Variants in SLC25A47 observed in about 807,000 individuals in gnomAD.
SLC25A47 encodes HCC-down-regulated mitochondrial carrier protein.
In SLC25A47, 30 loss-of-function variants were observed where a neutral mutation model predicts 29.8. The observed-to-expected ratio is 1.01, with a 90% CI of 0.75 to 1.36. The LOEUF is 1.36. SLC25A47 is among the 40% of genes most tolerant of loss of function. The probability of loss-of-function intolerance (pLI) is 0.00; values close to 1 mark genes in which losing one functional copy is unlikely to be tolerated. For missense variants in SLC25A47, 430 were observed against 441.9 expected (o/e 0.97, Z 0.24); for synonymous variants, 204 against 197.8 (o/e 1.03, Z -0.26).
rs1595389536 is a variant in SLC25A47, at chr14:100,327,356, T to C, written c.313T>C (p.Ser105Pro). Residue 105 changes from serine (S) to proline (P), a missense_variant, in exon 4 of 6, where the codon TCC (serine) becomes CCC (proline). Coordinates refer to ENST00000361529, the MANE Select transcript of SLC25A47 (RefSeq NM_207117.4). ...CGACATCACGCTCTCGGGATGCGCC[T>C]CCGGCCTCGTCCGCGTGAGTAGGGG... ...KADITLSGCA[S>P]GLVRVFLTSP... 6.3e-7 allele frequency: 1 copy of C among 1,595,468 alleles called. No individual in the cohort carries two copies. The highest frequency in any genetic ancestry group is 8.5e-7 in the Non-Finnish European group (1 of 1,177,100).
intron 2 of SLC25A47, 93 bp from the exon 3 acceptor site, chr14:100,326,064 C>T: frequency 6.8e-6 from 8 of 1,172,700 alleles, no homozygotes; most frequent in Non-Finnish European, 9.9e-6. Flanking sequence ...ATGGCTGGGA[C>T]AATCAAGAGT....
chr14:100,328,890 C>A lies in SLC25A47; in HGVS notation c.492C>A (p.His164Gln). The A allele has an allele frequency of 6.2e-7, 1 of 1,611,648 alleles. No homozygotes were observed. The highest frequency in any genetic ancestry group is 1.3e-5 in the African/African-American group (1 of 75,066). The change falls in exon 5 of 6, where the codon CAC becomes CAA. Residue 164 changes from histidine to glutamine, a missense_variant. Transcript: ENST00000361529. ...CPEPKYRGPL[H>Q]CLATVAREEG... Reference sequence around the variant, plus strand: ...AGCCCAAGTACCGCGGGCCACTGCACTGCCTGGCCACGGTAGCCCGTGAGG... The same window carrying A: ...AGCCCAAGTACCGCGGGCCACTGCAATGCCTGGCCACGGTAGCCCGTGAGG...
intron 1 of SLC25A47, among the ~76,000 whole-genome samples, chr14:100,324,306 C>T (rs1445557046): frequency 6.6e-6 from 1 of 152,108 alleles, no homozygotes; most frequent in Admixed American, 6.5e-5. Flanking sequence ...CTCACTGCAA[C>T]CTCTGCCTCC....
chr14:100,327,394 G>C (rs752582581), intron 4 of SLC25A47, 24 bp downstream of exon 4: 1 of 1,574,518 alleles, frequency 6.4e-7, no homozygotes, highest in South Asian at 1.2e-5. Context: ...GCCAGGGTGG[G>C]GAAGGCCCAA....
chr14:100,323,406 A>G lies in SLC25A47; in HGVS notation c.-9A>G, dbSNP rs151260391. 1,588 of 1,613,752 alleles carry G rather than the reference A, an allele frequency of 9.8e-4. 18 individuals are homozygous for G. The African/African-American group carries it at 0.018, about 19-fold the overall frequency. ...GGCAGACCCAGGGCCTCCCCGCCAC[A>G]CCTTGTTCATGGATTTTGTCGCTGG... On this transcript the variant is annotated 5_prime_UTR_variant, in exon 1 of 6. Coordinates refer to ENST00000361529, the MANE Select transcript of SLC25A47 (RefSeq NM_207117.4).
In SLC25A47 at chr14:100,329,522, G is replaced by A; in HGVS notation, c.804G>A (p.Glu268=). ...ACTGTATGGTGACCAGCGTTCGAGA[G>A]GAGGGACCCCGGGTCCTTTTCAAGG... ...LLHCMVTSVR[E]EGPRVLFKGL... Residue 268 remains glutamate, a synonymous_variant, in exon 6 of 6, where the codon GAG becomes GAA. Coordinates refer to ENST00000361529, the MANE Select transcript of SLC25A47 (RefSeq NM_207117.4). 3.7e-6 allele frequency: 6 copies of A among 1,613,562 alleles called. No individual in the cohort carries two copies. Among genetic ancestry groups the A allele is most frequent in the South Asian group, 1.1e-5 (1 of 91,088 alleles).
rs1893412179 is a variant in SLC25A47, at chr14:100,329,586, A to G, written c.868A>G (p.Met290Val). ...LNCCRAFPVN[M>V]VVFVAYEAVL... ...TTGCTGCCGCGCCTTCCCTGTCAAC[A>G]TGGTGGTCTTCGTCGCCTATGAGGC... Residue 290 changes from methionine (M) to valine (V), a missense_variant, in exon 6 of 6, where the codon ATG (methionine) becomes GTG (valine). Physicochemically the swap from Met to Val is conservative, Grantham distance 21. Transcript: ENST00000361529. 3.1e-6 allele frequency: 5 copies of G among 1,613,672 alleles called. No homozygotes were observed. The highest frequency in any genetic ancestry group is 2.2e-5 in the East Asian group (1 of 44,880).
chr14:100,327,788 C>T (rs1274516196), intron 4 of SLC25A47, among the ~76,000 whole-genome samples: 2 of 152,224 alleles, frequency 1.3e-5, no homozygotes, highest in South Asian at 2.1e-4. Context: ...GGAGCACCTG[C>T]GGTGCCCGCC....
intron 1 of SLC25A47, 23 bp from the exon 2 acceptor site, chr14:100,325,765 G>T (rs764768042): frequency 1.2e-6 from 2 of 1,611,482 alleles, no homozygotes; most frequent in Admixed American, 3.3e-5. Flanking sequence ...TCTCCTCACC[G>T]TGGGCCTCTT....
At chr14:100,327,078 G>A (rs1595389256) in intron 3 of SLC25A47, 110 bp from the exon 4 acceptor site, 1 of 1,078,502 alleles carries the variant, frequency 9.3e-7, no homozygotes, top group East Asian at 2.5e-5. Context: ...GGCCGTGAAT[G>A]ACCTTCCCGA....
Position 100,328,945 on chromosome 14 carries a change from TCGGCCCTGGTCTTA to T in SLC25A47, c.551_564del (p.Ala184GlyfsTer109). On this transcript the variant is annotated frameshift_variant, in exon 5 of 6. Transcript: ENST00000361529. LOFTEE classifies it high-confidence loss of function. ...GCTGTGCGGCCTCTACAAGGGCAGC[TCGGCCCTGGTCTTA>T]CGGGACGGCCACTCCTTTGCCACCT... is the stretch of plus-strand genomic sequence containing the variant. 6.2e-7 allele frequency: 1 copy of T among 1,605,304 alleles called. No homozygotes were observed.
intron 3 of SLC25A47, 94 bp from the exon 4 acceptor site, chr14:100,327,094 G>C: frequency 7.9e-7 from 1 of 1,270,964 alleles, no homozygotes; most frequent in Non-Finnish European, 1.1e-6. Flanking sequence ...CCCGAGGTCC[G>C]ACAGCGGAGT....
intron 1 of SLC25A47, among the ~76,000 whole-genome samples, chr14:100,325,143 T>C (rs572814208): frequency 7.2e-5 from 11 of 152,318 alleles, no homozygotes; most frequent in Admixed American, 6.5e-4. Flanking sequence ...CCCCTCTGAC[T>C]TCCCTGTGGC....
rs190555031 is a variant in SLC25A47, at chr14:100,324,556, G to T, written c.28+1114G>T. Among the ~76,000 whole-genome samples, 92 of 152,318 alleles carry T rather than the reference G, an allele frequency of 6.0e-4. 2 individuals are homozygous for T. Among genetic ancestry groups the T allele is most frequent in the African/African-American group, 1.9e-3 (80 of 41,560 alleles). On this transcript the variant is annotated intron_variant, in intron 1 of 5. Transcript: ENST00000361529. ...AGCAGCCTTTCTCAGCCCCAGCTAG[G>T]TGCCAGCCTGGGGCCAGCCGCTCCC... is the stretch of plus-strand genomic sequence containing the variant.
At chr14:100,323,549 C>T (rs1370485866) in intron 1 of SLC25A47, 107 bp downstream of exon 1, 16 of 1,333,868 alleles carry the variant, frequency 1.2e-5, no homozygotes, top group Non-Finnish European at 1.6e-5. Context: ...TTGAGGAGCC[C>T]CTCACCCCCC....
chr14:100,329,446 C>G lies in SLC25A47; in HGVS notation c.728C>G (p.Ser243Trp). 1 of 1,613,432 alleles carries G rather than the reference C, an allele frequency of 6.2e-7. No homozygotes were observed. Among genetic ancestry groups the G allele is most frequent in the Admixed American group, 1.7e-5 (1 of 60,020 alleles). ...GCCACCCCCATGGACGTGATCAAGT[C>G]GAGACTGCAGGCAGACGGGCAGGGC... is the stretch of plus-strand genomic sequence containing the variant. ...AVATPMDVIK[S>W]RLQADGQGQR... Residue 243 changes from serine (S) to tryptophan (W), a missense_variant, in exon 6 of 6, where the codon TCG (serine) becomes TGG (tryptophan). Physicochemically the swap from Ser to Trp is radical, Grantham distance 177. Transcript: ENST00000361529.
intron 4 of SLC25A47, among the ~76,000 whole-genome samples, chr14:100,327,607 A>T (rs1476108536): frequency 2.0e-5 from 3 of 152,150 alleles, no homozygotes; most frequent in Admixed American, 6.5e-5. Flanking sequence ...CCCCTCAGGA[A>T]GGGGGCTGTG....
chr14:100,326,248 C>A lies in SLC25A47; in HGVS notation c.144+20C>A, dbSNP rs1389754668. 2 of 1,610,952 alleles carry A rather than the reference C, an allele frequency of 1.2e-6. No individual in the cohort carries two copies. Among genetic ancestry groups the A allele is most frequent in the Non-Finnish European group, 1.7e-6 (2 of 1,178,390 alleles). ...GAGCGCGTAGGTCTGGGGCCAGGGG[C>A]TGGGTAGGGAGACAGGGAGGGGATG... On this transcript the variant is annotated intron_variant, in intron 3 of 5. Transcript: ENST00000361529.
intron 3 of SLC25A47, 89 bp from the exon 4 acceptor site, chr14:100,327,099 C>T (rs556572654): frequency 4.5e-5 from 58 of 1,296,944 alleles, no homozygotes; most frequent in African/African-American, 4.5e-4. Flanking sequence ...GGTCCGACAG[C>T]GGAGTGCGGA....
Sources: gnomAD v4.1 joint callset for allele counts (sites outside exome capture counted in the v4.1 genomes callset) on GRCh38, gnomAD v4.1.1 for gene constraint, MANE v1.5 for transcripts, NCBI Gene and HGNC (gene_info 2026-07-23, HGNC 2026-07-21) for gene names.